The following USP48 variants were observed in gnomAD, a reference collection of about 807,000 sequenced individuals.
The protein encoded by USP48 is ubiquitin specific peptidase 48, also known as ubiquitin carboxyl-terminal hydrolase 48.
A neutral mutation model predicts 150.7 loss-of-function variants in USP48; 43 were observed. The ratio of observed to expected loss-of-function variants is 0.29; its 90% CI spans 0.22 to 0.37. The LOEUF (loss-of-function observed/expected upper bound fraction) is 0.37, where lower values mean the gene tolerates loss of function less well. Ranked by LOEUF, USP48 falls within the 10% of genes least tolerant of loss-of-function variation. USP48 has a pLI of 1.00. For missense variants in USP48, 813 were observed against 1,249.6 expected (o/e 0.65, Z 5.27); for synonymous variants, 396 against 425.9 (o/e 0.93, Z 0.86).
chr1:21,768,747 CCCA>C (rs1454239442), intron 1 of USP48, among the ~76,000 whole-genome samples: 1 of 148,678 alleles, frequency 6.7e-6, no homozygotes, highest in Non-Finnish European at 1.5e-5. Context: ...GCCCAGCATA[CCCA>C]CCACCCGTGT....
chr1:21,753,232 TAATA>T, intron 3 of USP48, 113 bp from the exon 4 acceptor site: 1 of 1,106,714 alleles, frequency 9.0e-7, no homozygotes, highest in Non-Finnish European at 1.3e-6. Context: ...CAAACTAGAT[TAATA>T]CTTTATTATC....
intron 9 of USP48, among the ~76,000 whole-genome samples, chr1:21,730,413 G>A (rs2097753817): frequency 6.6e-6 from 1 of 151,482 alleles, no homozygotes; most frequent in African/African-American, 2.4e-5. Context: ...CAGCCTGGGT[G>A]ACAGAGCAAG....
chr1:21,690,053 A>G lies in USP48; in HGVS notation c.2930T>C (p.Ile977Thr). 3 of 1,614,136 alleles carry G rather than the reference A, an allele frequency of 1.9e-6. No individual in the cohort carries two copies. The highest frequency in any genetic ancestry group is 2.5e-6 in the Non-Finnish European group (3 of 1,180,008). Residue 977 changes from isoleucine (I) to threonine (T), a missense_variant, in exon 24 of 27, where the codon ATT becomes ACT. By Grantham distance (89) the Ile-to-Thr change is moderately conservative. Coordinates refer to ENST00000308271, the MANE Select transcript of USP48 (RefSeq NM_032236.8). Reference protein sequence around the residue: ...SVAPFDQNLSIDGKILSDDCA... With the variant: ...SVAPFDQNLSTDGKILSDDCA... ...GTCATCACTTAAAATCTTTCCATCA[A>G]TTGACAAATTCTGGTCAAAAGGAGC... is the stretch of plus-strand genomic sequence containing the variant.
chr1:21,709,240 T>C (rs2097683668), intron 15 of USP48, among the ~76,000 whole-genome samples: 1 of 152,144 alleles, frequency 6.6e-6, no homozygotes, highest in African/African-American at 2.4e-5. Context: ...TCACCTCTTC[T>C]GGATCTTTGA....
At chr1:21,735,014 G>A (rs1300005411) in intron 9 of USP48, among the ~76,000 whole-genome samples, 2 of 152,190 alleles carry the variant, frequency 1.3e-5, no homozygotes, top group African/African-American at 4.8e-5. Flanking sequence ...CAGAAGCACT[G>A]CTCAAGGATT....
At chr1:21,727,660 A>G (rs1303069804) in intron 11 of USP48, among the ~76,000 whole-genome samples, 1 of 152,240 alleles carries the variant, frequency 6.6e-6, no homozygotes, top group African/African-American at 2.4e-5. Context: ...CATTAAGGTC[A>G]GTTTAATTAT....
chr1:21,730,740 T>C (rs2097754707), intron 9 of USP48, among the ~76,000 whole-genome samples: 1 of 151,582 alleles, frequency 6.6e-6, no homozygotes, highest in Non-Finnish European at 1.5e-5. Context: ...AATATGGGAC[T>C]TCAACTCTAC....
chr1:21,725,164 C>T (rs2097732948), intron 11 of USP48: 1 of 152,178 alleles, frequency 6.6e-6, no homozygotes, highest in African/African-American at 2.4e-5. Flanking sequence ...AACTAAGAGC[C>T]TTCTAACTGG....
intron 15 of USP48, among the ~76,000 whole-genome samples, chr1:21,712,240 T>G (rs1049986006): frequency 6.6e-6 from 1 of 152,170 alleles, no homozygotes; most frequent in South Asian, 2.1e-4. Context: ...ATGCCTATAG[T>G]TCCAGATACT....
At chr1:21,718,687 A>G (rs1166345170) in intron 14 of USP48, among the ~76,000 whole-genome samples, 1 of 151,786 alleles carries the variant, frequency 6.6e-6, no homozygotes, top group Non-Finnish European at 1.5e-5. Context: ...CCTCCTGAGT[A>G]GCTGGGATTA....
At chr1:21,721,809 G>T in intron 12 of USP48, 45 bp from the exon 13 acceptor site, 2 of 1,365,970 alleles carry the variant, frequency 1.5e-6, no homozygotes, top group Non-Finnish European at 2.0e-6. Context: ...CATTCAAACA[G>T]ACTTCCTGTT....
chr1:21,732,223 G>A (rs1224921411), intron 9 of USP48, among the ~76,000 whole-genome samples: 1 of 152,052 alleles, frequency 6.6e-6, no homozygotes, highest in Non-Finnish European at 1.5e-5. Flanking sequence ...AGATTGTGGT[G>A]GGCCAAGATA....
At chr1:21,717,092 T>C (rs561386012) in intron 14 of USP48, among the ~76,000 whole-genome samples, 36 of 150,738 alleles carry the variant, frequency 2.4e-4, no homozygotes, top group African/African-American at 8.8e-4. Flanking sequence ...ACAAAAAATA[T>C]CTACTAATCA....
intron 22 of USP48, among the ~76,000 whole-genome samples, chr1:21,698,980 C>G (rs1017340028): frequency 6.6e-6 from 1 of 152,110 alleles, no homozygotes; most frequent in East Asian, 1.9e-4. Context: ...GCCAGCCAAA[C>G]AGACAAAAGA....
At chr1:21,705,278 T>C (rs1010840328) in intron 19 of USP48, among the ~76,000 whole-genome samples, 5 of 152,216 alleles carry the variant, frequency 3.3e-5, no homozygotes, top group African/African-American at 1.2e-4. Flanking sequence ...ACTTGAAGCA[T>C]GGAATAAAAT....
intron 1 of USP48, among the ~76,000 whole-genome samples, chr1:21,770,576 G>A (rs2097876847): frequency 6.7e-6 from 1 of 149,500 alleles, no homozygotes; most frequent in Admixed American, 6.7e-5. Flanking sequence ...CCGCCTCCCA[G>A]GTTCAAGCGA....
intron 25 of USP48, 170 bp downstream of exon 25, chr1:21,687,009 TTTTGTAGATATC>T (rs1343208983): frequency 1.6e-6 from 1 of 629,034 alleles, no homozygotes; most frequent in African/African-American, 1.9e-5. Flanking sequence ...CTTTCCAAGT[TTTTGTAGATATC>T]TTTCCCTCCT....
At position 21,704,160 on chromosome 1, in the gene USP48, C is replaced by T. The variant is rs140244455; in HGVS notation, c.2515+102G>A. The T allele has an allele frequency of 4.3e-4, 593 of 1,374,626 alleles. 6 individuals carry two copies. The African/African-American group carries it at 6.3e-3, about 15-fold the overall frequency. 85.2% of individuals were successfully genotyped at this position (1,374,626 alleles called of 1,614,324 possible). On this transcript the variant is annotated intron_variant, in intron 20 of 26. Coordinates refer to ENST00000308271, the MANE Select transcript of USP48 (RefSeq NM_032236.8). ...GAGTTTCCACCTAGGGAGTTGGGAC[C>T]GCCGCATGATCTTTAACTTTAAGCA...
chr1:21,725,518 G>C (rs905699547), intron 11 of USP48, among the ~76,000 whole-genome samples: 1 of 152,230 alleles, frequency 6.6e-6, no homozygotes, highest in East Asian at 1.9e-4. Context: ...TTGGGAGGCC[G>C]AGGCGGGCAG....
Sources: allele counts gnomAD v4.1 joint callset (sites outside exome capture counted in the v4.1 genomes callset), GRCh38; gene constraint gnomAD v4.1.1; transcripts MANE v1.5; gene names NCBI Gene and HGNC (gene_info 2026-07-23, HGNC 2026-07-21).